Variants in CABP7 observed in about 807,000 individuals in gnomAD.
CABP7 encodes the protein calcium-binding protein 7.
In CABP7, 13 loss-of-function variants were observed where a neutral mutation model predicts 23.1. That is an observed-to-expected ratio of 0.56 (90% CI 0.37 to 0.90). The LOEUF (loss-of-function observed/expected upper bound fraction) is 0.90, where lower values mean the gene tolerates loss of function less well. Among genes scored for constraint, CABP7 ranks in the 40% least tolerant of loss-of-function variants. The pLI is 0.01. For missense variants in CABP7, 248 were observed against 295.6 expected (o/e 0.84, Z 1.18); for synonymous variants, 123 against 115.3 (o/e 1.07, Z -0.43).
rs1259693651 is a variant in CABP7, at chr22:29,731,478, G to A, written c.*1909G>A. ...GGTCAGCTGCCTGCATGACTTTTCT[G>A]GAAGGCAGAGCCTCGAAAATAGGCA... is the stretch of plus-strand genomic sequence containing the variant. On this transcript the variant is annotated 3_prime_UTR_variant, in exon 5 of 5. Transcript: ENST00000216144. The A allele has an allele frequency of 7.5e-7, 1 of 1,328,742 alleles. No homozygotes were observed. The highest frequency in any genetic ancestry group is 2.8e-5 in the East Asian group (1 of 35,178). The allele number at this position is 1,328,742 out of a possible 1,614,324, so 82.3% of individuals were successfully genotyped here.
In CABP7 at chr22:29,720,533, G is replaced by T; in HGVS notation, c.109G>T (p.Glu37Ter). ...PVDIPEDELE[E>*]IREAFKVFDR... ...GGACATCCCGGAGGACGAGCTGGAGGGTGAGTGTCCGCCGGGATCCCCGCC... is the reference window on the plus strand; with the variant it reads ...GGACATCCCGGAGGACGAGCTGGAGTGTGAGTGTCCGCCGGGATCCCCGCC... The change falls in exon 1 of 5, where the codon GAG becomes TAG. Residue 37 changes from glutamate to a stop codon, truncating the protein, a stop_gained and splice_region_variant. Transcript: ENST00000216144. LOFTEE classifies it high-confidence loss of function. The surrounding 1 kb of genome is among the most constrained non-coding windows in gnomAD (Gnocchi z 5.2). 6.5e-7 allele frequency: 1 copy of T among 1,529,932 alleles called. No individual in the cohort carries two copies. Among genetic ancestry groups the T allele is most frequent in the Non-Finnish European group, 8.8e-7 (1 of 1,138,220 alleles). The allele number at this position is 1,529,932 out of a possible 1,614,324, so 94.8% of individuals were successfully genotyped here. A position where few individuals can be genotyped will look rare whatever the true frequency, so the allele number is the denominator to read the frequency against.
chr22:29,728,835 G>T, intron 3 of CABP7, 93 bp downstream of exon 3: 1 of 1,085,476 alleles, frequency 9.2e-7, no homozygotes, highest in South Asian at 1.3e-5. Flanking sequence ...GTAAAGGGGG[G>T]ATGACCACTT....
intron 1 of CABP7, among the ~76,000 whole-genome samples, chr22:29,725,055 C>T (rs2067785572): frequency 6.6e-6 from 1 of 152,130 alleles, no homozygotes; most frequent in Non-Finnish European, 1.5e-5. Context: ...CTTTGCCATC[C>T]CTCCCTGACA....
rs371739607 is a variant in CABP7 at position 29,729,022 on chromosome 22, C to T, written c.367-33C>T. ...GGGTGCTGGGTGGGGGCTGCGGTGGCTCTCAGAGCACCGTGTTGTCCCCCT... is the reference window on the plus strand; with the variant it reads ...GGGTGCTGGGTGGGGGCTGCGGTGGTTCTCAGAGCACCGTGTTGTCCCCCT... On this transcript the variant is annotated intron_variant, in intron 3 of 4. Coordinates refer to ENST00000216144, the MANE Select transcript of CABP7 (RefSeq NM_182527.3). 8.1e-5 allele frequency: 130 copies of T among 1,598,782 alleles called. 1 individual carries two copies. In the African/African-American group the frequency reaches 1.6e-3, roughly 20 times the overall value.
At position 29,728,671 on chromosome 22, in the gene CABP7, G is replaced by A. The variant is rs765824220; in HGVS notation, c.295G>A (p.Gly99Arg). ...CTTTGAGGAGTTTGTGACCCTTCTG[G>A]GACCCAAACTCTCCACCTCAGGGAT... ...VDFEEFVTLLGPKLSTSGIPE... is the reference protein window; with the variant it reads ...VDFEEFVTLLRPKLSTSGIPE... Residue 99 changes from glycine to arginine, a missense_variant, in exon 3 of 5, where the codon GGA becomes AGA. Physicochemically the swap from Gly to Arg is moderately radical, Grantham distance 125. Transcript: ENST00000216144. 1.2e-6 allele frequency: 2 copies of A among 1,613,638 alleles called. 1 individual carries two copies. Among genetic ancestry groups the A allele is most frequent in the South Asian group, 2.2e-5 (2 of 91,064 alleles).
intron 4 of CABP7, 38 bp from the exon 5 acceptor site, chr22:29,729,404 C>G (rs917050287): frequency 1.2e-6 from 2 of 1,603,954 alleles, no homozygotes; most frequent in Non-Finnish European, 1.7e-6. Flanking sequence ...TTTGATGTCC[C>G]CTTCTGTCTC....
chr22:29,724,136 G>A (rs1009203803), intron 1 of CABP7, among the ~76,000 whole-genome samples: 1 of 152,224 alleles, frequency 6.6e-6, no homozygotes, highest in Non-Finnish European at 1.5e-5. Context: ...GCACAACGGT[G>A]GCAGGAAATC....
At chr22:29,728,891 C>T in intron 3 of CABP7, 149 bp downstream of exon 3, 1 of 1,066,794 alleles carries the variant, frequency 9.4e-7, no homozygotes. Flanking sequence ...GGGCCATGGG[C>T]TCCCTGGGGA....
chr22:29,731,503 A>G lies in CABP7; in HGVS notation c.*1934A>G. 8.4e-6 allele frequency: 9 copies of G among 1,065,110 alleles called. No homozygotes were observed. The highest frequency in any genetic ancestry group is 1.0e-5 in the Non-Finnish European group (8 of 778,386). The allele number at this position is 1,065,110 out of a possible 1,614,324, so 66.0% of individuals were successfully genotyped here. ...GGAAGGCAGAGCCTCGAAAATAGGC[A>G]GACCGTTTGAGCCAGCGACCTCACC... is the stretch of plus-strand genomic sequence containing the variant. On this transcript the variant is annotated 3_prime_UTR_variant, in exon 5 of 5. Transcript: ENST00000216144.
Position 29,728,696 on chromosome 22 carries a change from T to A in CABP7, c.320T>A (p.Ile107Asn), listed in dbSNP as rs980498520. 1 of 1,613,728 alleles carries A rather than the reference T, an allele frequency of 6.2e-7. No individual in the cohort carries two copies. Among genetic ancestry groups the A allele is most frequent in the South Asian group, 1.1e-5 (1 of 91,078 alleles). The change falls in exon 3 of 5, where the codon ATC becomes AAC. Residue 107 changes from isoleucine to asparagine, a missense_variant. Transcript: ENST00000216144. Reference protein sequence around the residue: ...LLGPKLSTSGIPEKFHGTDFD... With the variant: ...LLGPKLSTSGNPEKFHGTDFD... ...GGACCCAAACTCTCCACCTCAGGGA[T>A]CCCAGAGAAGTTCCATGGCACCGAC...
At chr22:29,728,993 C>T (rs1337335732) in intron 3 of CABP7, 62 bp from the exon 4 acceptor site, 46 of 1,581,546 alleles carry the variant, frequency 2.9e-5, no homozygotes, top group East Asian at 4.5e-5. Context: ...TCTGTATGGC[C>T]GTGGGGTGCT....
At chr22:29,729,304 C>T (rs2067820511) in intron 4 of CABP7, 96 bp downstream of exon 4, 5 of 1,577,886 alleles carry the variant, frequency 3.2e-6, no homozygotes, top group Admixed American at 3.4e-5. Context: ...GGCTGGGGGC[C>T]TCCTTGCCTG....
chr22:29,724,047 G>A (rs1014052068), intron 1 of CABP7, among the ~76,000 whole-genome samples: 4 of 152,240 alleles, frequency 2.6e-5, no homozygotes, highest in South Asian at 4.1e-4. Flanking sequence ...GATGGTACCC[G>A]TCAGGCTACC....
intron 1 of CABP7, among the ~76,000 whole-genome samples, chr22:29,723,677 C>T (rs1194339968): frequency 6.6e-6 from 1 of 152,218 alleles, no homozygotes; most frequent in East Asian, 1.9e-4. Flanking sequence ...GCAGGGGAGG[C>T]TGGGGAGTCC....
chr22:29,724,328 C>T (rs893808917), intron 1 of CABP7, among the ~76,000 whole-genome samples: 19 of 152,218 alleles, frequency 1.2e-4, no homozygotes, highest in Admixed American at 3.3e-4. Context: ...TCCCAGCGAC[C>T]GCCAACAGGA....
At chr22:29,725,228 C>T (rs2067787167) in intron 1 of CABP7, among the ~76,000 whole-genome samples, 2 of 152,064 alleles carry the variant, frequency 1.3e-5, no homozygotes. Flanking sequence ...TCCTTGGGGG[C>T]TGGAAAAGGG....
intron 1 of CABP7, among the ~76,000 whole-genome samples, chr22:29,725,692 G>T (rs561767855): frequency 1.3e-5 from 2 of 152,314 alleles, no homozygotes; most frequent in Admixed American, 1.3e-4. Flanking sequence ...TTGTGTCGGG[G>T]TTTGCCACGG....
At chr22:29,728,297 C>T (rs955468046) in intron 2 of CABP7, among the ~76,000 whole-genome samples, 1 of 152,184 alleles carries the variant, frequency 6.6e-6, no homozygotes, top group African/African-American at 2.4e-5. Context: ...CAGTTCCTGT[C>T]TATATGGTGG....
chr22:29,729,534 GC>G lies in CABP7; in HGVS notation c.614del (p.Ala205GlyfsTer10). ...IAFIISVMLI[A>X]ANQVLRSGMK The stretch of plus-strand genomic sequence containing the variant: ...CTTCATCATCAGTGTCATGCTCATT[GC>G]GGCCAACCAGGTGCTGCGCAGTGGC... On this transcript the variant is annotated frameshift_variant, in exon 5 of 5. Transcript: ENST00000216144. LOFTEE classifies it high-confidence loss of function. 1 of 1,612,228 alleles carries G rather than the reference GC, an allele frequency of 6.2e-7. No homozygotes were observed.
Sources: allele counts gnomAD v4.1 joint callset (sites outside exome capture counted in the v4.1 genomes callset), GRCh38; gene constraint gnomAD v4.1.1; non-coding constraint Gnocchi (gnomAD v3.1); transcripts MANE v1.5; gene names NCBI Gene and HGNC (gene_info 2026-07-23, HGNC 2026-07-21).